The following HTR7 variants were observed in gnomAD, a reference collection of about 807,000 sequenced individuals.
HTR7 encodes the protein 5-hydroxytryptamine receptor 7, also known as 5-HT-7.
HTR7 carries 16 observed loss-of-function variants against 34.0 expected under a neutral mutation model. That is an observed-to-expected ratio of 0.47 (90% CI 0.32 to 0.71). HTR7 has a LOEUF of 0.71. Ranked by LOEUF, HTR7 falls within the 30% of genes least tolerant of loss-of-function variation. The pLI, the probability that HTR7 is intolerant of heterozygous loss-of-function variation, is 0.04. For synonymous variants in HTR7, 265 were observed against 260.2 expected (o/e 1.02, Z -0.18); for missense variants, 504 against 625.5 (o/e 0.81, Z 2.07).
Position 90,749,504 on chromosome 10 carries a change from G to T in HTR7, c.630C>A (p.Ser210=), listed in dbSNP as rs768673251. 14 of 1,613,998 alleles carry T rather than the reference G, an allele frequency of 8.7e-6. No homozygotes were observed. The highest frequency in any genetic ancestry group is 1.0e-5 in the Non-Finnish European group (12 of 1,180,010). ...AGAGTGGAGGTAAGGTGATGGAGGC[G>T]GAGAGAAGCCAGACGGAGAGAATCA... ...AKMILSVWLL[S]ASITLPPLFG... is the part of the protein sequence containing the mutation. Residue 210 remains serine (S), a synonymous_variant, in exon 2 of 4, where the codon TCC becomes TCA. Coordinates refer to ENST00000336152, the MANE Select transcript of HTR7 (RefSeq NM_019859.4). This position sits in a 1 kb window ranked among gnomAD's most constrained non-coding sequence, Gnocchi z 4.2.
At chr10:90,851,736 T>A (rs969581458) in intron 1 of HTR7, among the ~76,000 whole-genome samples, 4 of 152,026 alleles carry the variant, frequency 2.6e-5, no homozygotes, top group African/African-American at 9.7e-5. Context: ...AAATCTCACC[T>A]TGAATTGTAA....
intron 1 of HTR7, among the ~76,000 whole-genome samples, chr10:90,851,813 ACCGTTCTC>A (rs1846505348): frequency 6.6e-6 from 1 of 152,036 alleles, no homozygotes; most frequent in Non-Finnish European, 1.5e-5. Flanking sequence ...TTTCCCCCAT[ACCGTTCTC>A]CTGGTAGTGA....
intron 1 of HTR7, among the ~76,000 whole-genome samples, chr10:90,795,596 A>G (rs1162156228): frequency 6.6e-6 from 1 of 152,256 alleles, no homozygotes; most frequent in East Asian, 1.9e-4. Flanking sequence ...GCTCTGAATT[A>G]GCATAAAGTT....
chr10:90,753,999 A>G lies in HTR7; in HGVS notation c.540-4405T>C, dbSNP rs138769775. Among the ~76,000 whole-genome samples the G allele has an allele frequency of 6.4e-4, 97 of 152,210 alleles. No individual in the cohort carries two copies. In the East Asian group the frequency reaches 0.011, roughly 17 times the overall value. ...TAGTAGTTTTACCTGAGATGAAGAAATTTTAATGATTTTAAATTTCCTCTA... is the reference window on the plus strand; with the variant it reads ...TAGTAGTTTTACCTGAGATGAAGAAGTTTTAATGATTTTAAATTTCCTCTA... On this transcript the variant is annotated intron_variant, in intron 1 of 3. Transcript: ENST00000336152.
intron 1 of HTR7, among the ~76,000 whole-genome samples, chr10:90,833,010 C>A (rs913291483): frequency 7.2e-5 from 11 of 152,170 alleles, no homozygotes; most frequent in African/African-American, 2.7e-4. Flanking sequence ...GTCAGTTTCC[C>A]AGGGAAGAGG....
chr10:90,857,285 C>CGA lies in HTR7; in HGVS notation c.385_386dup (p.Val130ArgfsTer43). ...CGAAGGGCATGACCGCCACAGCCAC[C>CGA]GAGAGGTCGGCCAGCGCCAGGGACA... On this transcript the variant is annotated frameshift_variant, in exon 1 of 4. Transcript: ENST00000336152. LOFTEE classifies it high-confidence loss of function. This position sits in a 1 kb window ranked among gnomAD's most constrained non-coding sequence, Gnocchi z 6.5. The CGA allele has an allele frequency of 6.2e-7, 1 of 1,614,174 alleles. No homozygotes were observed. Among genetic ancestry groups the CGA allele is most frequent in the Non-Finnish European group, 8.5e-7 (1 of 1,180,034 alleles).
Position 90,741,011 on chromosome 10 carries a change from G to T in HTR7, c.*1471C>A, listed in dbSNP as rs1362854573. 6.6e-6 allele frequency: 1 copy of T among 152,496 alleles called. No homozygotes were observed. Among genetic ancestry groups the T allele is most frequent in the Admixed American group, 6.6e-5 (1 of 15,250 alleles). 9.4% of individuals were successfully genotyped at this position (152,496 alleles called of 1,614,324 possible). A position where few individuals can be genotyped will look rare whatever the true frequency, so the allele number is the denominator to read the frequency against. On this transcript the variant is annotated 3_prime_UTR_variant, in exon 4 of 4. Transcript: ENST00000336152. Reference sequence around the variant, plus strand: ...GAATTTGTACAAGCTTTGTCTGAAAGGACAGTGCCCTCCTCCCCTTTCAGG... The same window carrying T: ...GAATTTGTACAAGCTTTGTCTGAAATGACAGTGCCCTCCTCCCCTTTCAGG...
chr10:90,764,442 G>C (rs989512407), intron 1 of HTR7, among the ~76,000 whole-genome samples: 2 of 152,062 alleles, frequency 1.3e-5, no homozygotes, highest in Non-Finnish European at 2.9e-5. Context: ...TTTTCAGATA[G>C]TTTGTTATTA....
chr10:90,748,960 T>G lies in HTR7; in HGVS notation c.1174A>C (p.Arg392=). 1 of 1,614,146 alleles carries G rather than the reference T, an allele frequency of 6.2e-7. No homozygotes were observed. ...FIYAFFNRDL[R]TTYRSLLQCQ... Reference sequence around the variant, plus strand: ...TGGAGCAGGCTGCGATAGGTGGTCCTCAGGTCCCGGTTGAAGAAGGCATAT... The same window carrying G: ...TGGAGCAGGCTGCGATAGGTGGTCCGCAGGTCCCGGTTGAAGAAGGCATAT... The change falls in exon 2 of 4, where the codon AGG becomes CGG. Residue 392 remains arginine (R), a synonymous_variant. Coordinates refer to ENST00000336152, the MANE Select transcript of HTR7 (RefSeq NM_019859.4).
In HTR7 at chr10:90,857,632, C is replaced by G; in HGVS notation, c.40G>C (p.Gly14Arg). The G allele has an allele frequency of 8.1e-6, 13 of 1,596,102 alleles. No individual in the cohort carries two copies. Among genetic ancestry groups the G allele is most frequent in the Non-Finnish European group, 9.4e-6 (11 of 1,174,796 alleles). ...VNSSGRPDLYGHLRSFLLPEV... is the reference protein window; with the variant it reads ...VNSSGRPDLYRHLRSFLLPEV... ...GGCAGAAGGAAAGAGCGGAGGTGCC[C>G]GTAGAGGTCCGGGCGGCCGCTGCTG... Residue 14 changes from glycine (G) to arginine (R), a missense_variant, in exon 1 of 4, where the codon GGG (glycine) becomes CGG (arginine). Coordinates refer to ENST00000336152, the MANE Select transcript of HTR7 (RefSeq NM_019859.4). This position sits in a 1 kb window ranked among gnomAD's most constrained non-coding sequence, Gnocchi z 6.5.
chr10:90,831,376 C>T (rs1846172465), intron 1 of HTR7, among the ~76,000 whole-genome samples: 1 of 151,148 alleles, frequency 6.6e-6, no homozygotes, highest in African/African-American at 2.4e-5. Flanking sequence ...AGTGTTACAG[C>T]TCAAGCCGGC....
chr10:90,813,521 C>CA (rs55804411), intron 1 of HTR7, among the ~76,000 whole-genome samples: 39,274 of 131,154 alleles, frequency 0.3, 5,708 homozygotes, highest in African/African-American at 0.43. Flanking sequence ...GACTCCGTGT[C>CA]AAAAAAAAAA....
At position 90,857,706 on chromosome 10, in the gene HTR7, G is replaced by GC; in HGVS notation, c.-36dup. On this transcript the variant is annotated 5_prime_UTR_variant, in exon 1 of 4. Coordinates refer to ENST00000336152, the MANE Select transcript of HTR7 (RefSeq NM_019859.4). The surrounding 1 kb of genome is among the most constrained non-coding windows in gnomAD (Gnocchi z 6.5). ...GTGTGCCGCTGCCCATGGAGCCGGC[G>GC]CCCCGGCCACGCGCCTCCGGCTGCC... is the stretch of plus-strand genomic sequence containing the variant. 6.9e-7 allele frequency: 1 copy of GC among 1,455,948 alleles called. No homozygotes were observed. Among genetic ancestry groups the GC allele is most frequent in the Non-Finnish European group, 8.9e-7 (1 of 1,117,942 alleles). The allele number at this position is 1,455,948 out of a possible 1,614,324, so 90.2% of individuals were successfully genotyped here.
chr10:90,844,801 C>T (rs1846389437), intron 1 of HTR7, among the ~76,000 whole-genome samples: 1 of 131,576 alleles, frequency 7.6e-6, no homozygotes, highest in Non-Finnish European at 1.5e-5. Context: ...TCTGGCTGCA[C>T]ATTGGGATCA....
At chr10:90,847,277 A>G (rs937454571) in intron 1 of HTR7, among the ~76,000 whole-genome samples, 2 of 152,086 alleles carry the variant, frequency 1.3e-5, no homozygotes, top group African/African-American at 4.8e-5. Context: ...TGTAAGCAAT[A>G]AATCATTAAA....
intron 1 of HTR7, among the ~76,000 whole-genome samples, chr10:90,825,516 C>A (rs1846056598): frequency 6.6e-6 from 1 of 152,148 alleles, no homozygotes; most frequent in South Asian, 2.1e-4. Context: ...AAATAAGTCA[C>A]CAGGAGCCAA....
At chr10:90,805,535 T>C (rs867544965) in intron 1 of HTR7, among the ~76,000 whole-genome samples, 1 of 152,362 alleles carries the variant, frequency 6.6e-6, no homozygotes, top group Middle Eastern at 3.4e-3. Context: ...CTAAGTTCTG[T>C]GCCTTTGAGG....
At chr10:90,788,495 C>CT (rs1182168740) in intron 1 of HTR7, among the ~76,000 whole-genome samples, 1 of 152,076 alleles carries the variant, frequency 6.6e-6, no homozygotes, top group Non-Finnish European at 1.5e-5. Flanking sequence ...CATTCGGAGA[C>CT]CAAGAATTAG....
intron 1 of HTR7, among the ~76,000 whole-genome samples, chr10:90,806,114 G>A (rs1480854216): frequency 1.3e-5 from 2 of 152,116 alleles, no homozygotes; most frequent in Non-Finnish European, 2.9e-5. Context: ...AATAACATGA[G>A]GATGTGGTTT....
Sources: allele counts gnomAD v4.1 joint callset (sites outside exome capture counted in the v4.1 genomes callset), GRCh38; gene constraint gnomAD v4.1.1; non-coding constraint Gnocchi (gnomAD v3.1); transcripts MANE v1.5; gene names NCBI Gene and HGNC (gene_info 2026-07-23, HGNC 2026-07-21).